GRID1: variants seen among roughly 807,000 people sequenced by gnomAD.
The protein encoded by GRID1 is glutamate ionotropic receptor delta type subunit 1.
GRID1 carries 28 observed loss-of-function variants against 98.0 expected under a neutral mutation model. The ratio of observed to expected loss-of-function variants is 0.29; its 90% CI spans 0.21 to 0.39. GRID1 has a LOEUF of 0.39. Ranked by LOEUF, GRID1 falls within the 10% of genes least tolerant of loss-of-function variation. The probability of loss-of-function intolerance (pLI) is 1.00; values close to 1 mark genes in which losing one functional copy is unlikely to be tolerated. For synonymous variants in GRID1, 553 were observed against 538.5 expected (o/e 1.03, Z -0.37); for missense variants, 1,111 against 1,340.5 (o/e 0.83, Z 2.67).
At chr10:85,849,472 G>C (rs1038080113) in intron 8 of GRID1, among the ~76,000 whole-genome samples, 2 of 152,140 alleles carry the variant, frequency 1.3e-5, no homozygotes, top group African/African-American at 4.8e-5. Flanking sequence ...GAAATCGCTG[G>C]AACAGGGAGG....
At chr10:86,122,917 C>T (rs1033990089) in intron 4 of GRID1, among the ~76,000 whole-genome samples, 1 of 152,202 alleles carries the variant, frequency 6.6e-6, no homozygotes, top group East Asian at 1.9e-4. Flanking sequence ...TAGTGCCCTG[C>T]CGTGCAGGCC....
intron 4 of GRID1, among the ~76,000 whole-genome samples, chr10:86,036,698 G>T (rs1490310559): frequency 1.3e-5 from 2 of 152,180 alleles, no homozygotes; most frequent in Non-Finnish European, 2.9e-5. Context: ...TGATAAGCAG[G>T]AAGGCTCTCC....
At chr10:86,130,380 C>T (rs1589381754) in intron 4 of GRID1, among the ~76,000 whole-genome samples, 3 of 152,232 alleles carry the variant, frequency 2.0e-5, no homozygotes, top group African/African-American at 7.2e-5. Flanking sequence ...AAACTCACAG[C>T]CCTAAATGGG....
chr10:86,194,721 C>A (rs1845849113), intron 3 of GRID1, among the ~76,000 whole-genome samples: 1 of 152,078 alleles, frequency 6.6e-6, no homozygotes, highest in Non-Finnish European at 1.5e-5. Context: ...CCTTAGAACA[C>A]AAGGCAGCCC....
chr10:86,275,303 A>T (rs1847252282), intron 2 of GRID1, among the ~76,000 whole-genome samples: 1 of 152,184 alleles, frequency 6.6e-6, no homozygotes, highest in Non-Finnish European at 1.5e-5. Flanking sequence ...GGGAAGGAAG[A>T]CAATATGTTT....
intron 13 of GRID1, among the ~76,000 whole-genome samples, chr10:85,626,307 C>T (rs1842911548): frequency 6.6e-6 from 1 of 152,242 alleles, no homozygotes; most frequent in Non-Finnish European, 1.5e-5. Context: ...ACCTGAGTTA[C>T]ATCTGGCTCC....
intron 2 of GRID1, among the ~76,000 whole-genome samples, chr10:86,276,678 C>T (rs570833140): frequency 5.3e-5 from 8 of 152,048 alleles, no homozygotes; most frequent in East Asian, 1.9e-4. Flanking sequence ...TTAGTAGAGA[C>T]GGGGTTTCAC....
At chr10:85,630,978 G>C (rs1307525664) in intron 13 of GRID1, among the ~76,000 whole-genome samples, 4 of 152,200 alleles carry the variant, frequency 2.6e-5, no homozygotes, top group African/African-American at 9.7e-5. Context: ...GGAAACCATA[G>C]AGTTGAGAGA....
intron 12 of GRID1, among the ~76,000 whole-genome samples, chr10:85,706,572 A>T (rs1459790672): frequency 6.6e-6 from 1 of 152,182 alleles, no homozygotes; most frequent in Admixed American, 6.5e-5. Flanking sequence ...ATCCCCATCA[A>T]GCTACCAATG....
At chr10:85,961,640 C>A (rs1003172109) in intron 4 of GRID1, among the ~76,000 whole-genome samples, 13 of 116,494 alleles carry the variant, frequency 1.1e-4, no homozygotes, top group African/African-American at 3.4e-4. Flanking sequence ...ATCTGTTTTT[C>A]TCTCTTTCCC....
intron 2 of GRID1, among the ~76,000 whole-genome samples, chr10:86,316,324 C>T (rs114916787): frequency 0.017 from 2,558 of 152,374 alleles, 45 homozygotes; most frequent in African/African-American, 0.044. Context: ...CCCACACACC[C>T]TCACAGCCAG....
At chr10:85,653,107 G>A (rs1043228698) in intron 12 of GRID1, among the ~76,000 whole-genome samples, 3 of 152,148 alleles carry the variant, frequency 2.0e-5, no homozygotes, top group African/African-American at 7.2e-5. Flanking sequence ...TTTTTGTTTT[G>A]TTTTCCAACG....
intron 4 of GRID1, among the ~76,000 whole-genome samples, chr10:86,010,073 A>T (rs1235518078): frequency 6.6e-6 from 1 of 152,202 alleles, no homozygotes. Flanking sequence ...CCATGAAAAG[A>T]CAAACTCAGT....
At chr10:85,655,217 G>C (rs1290131719) in intron 12 of GRID1, among the ~76,000 whole-genome samples, 2 of 152,122 alleles carry the variant, frequency 1.3e-5, no homozygotes, top group African/African-American at 4.8e-5. Flanking sequence ...TCTCTGCTGT[G>C]CCCTGACTAA....
intron 4 of GRID1, among the ~76,000 whole-genome samples, chr10:85,937,606 G>A (rs1388096492): frequency 6.6e-6 from 1 of 152,150 alleles, no homozygotes; most frequent in Non-Finnish European, 1.5e-5. Context: ...TAAGATTCTA[G>A]ATGATAGGAG....
chr10:85,908,864 A>G (rs1249725140), intron 5 of GRID1, among the ~76,000 whole-genome samples: 1 of 152,216 alleles, frequency 6.6e-6, no homozygotes, highest in Non-Finnish European at 1.5e-5. Context: ...ATGGAATAGA[A>G]TCAAGAGTCC....
At chr10:86,009,235 T>C (rs190516799) in intron 4 of GRID1, among the ~76,000 whole-genome samples, 21 of 152,350 alleles carry the variant, frequency 1.4e-4, no homozygotes, top group Admixed American at 8.5e-4. Context: ...TAAGTGTTTG[T>C]TGCAGAAGAA....
intron 2 of GRID1, among the ~76,000 whole-genome samples, chr10:86,277,771 T>A (rs567064319): frequency 3.9e-5 from 6 of 152,002 alleles, no homozygotes; most frequent in Non-Finnish European, 7.4e-5. Context: ...AAAGAAGCCA[T>A]TAATAGAGAA....
chr10:85,854,431 T>C, intron 8 of GRID1, 65 bp downstream of exon 8: 2 of 1,496,852 alleles, frequency 1.3e-6, no homozygotes, highest in Non-Finnish European at 1.9e-6. Flanking sequence ...AGGGACCCTG[T>C]AGCTGTTGCT....
Sources: allele counts gnomAD v4.1 joint callset (sites outside exome capture counted in the v4.1 genomes callset), GRCh38; gene constraint gnomAD v4.1.1; transcripts MANE v1.5; gene names NCBI Gene and HGNC (gene_info 2026-07-23, HGNC 2026-07-21).